Variants in DDC observed in about 807,000 individuals in gnomAD.
DDC encodes aromatic-L-amino-acid decarboxylase.
Under a neutral mutation model 60.0 loss-of-function variants are expected in DDC, and 43 were observed. The observed-to-expected ratio is 0.72, with a 90% CI of 0.56 to 0.92. The LOEUF (loss-of-function observed/expected upper bound fraction) is 0.92. DDC is among the 40% of genes least tolerant of loss of function. The pLI is 0.00. For missense variants in DDC, 573 were observed against 620.2 expected (o/e 0.92, Z 0.81); for synonymous variants, 232 against 234.6 (o/e 0.99, Z 0.10).
intron 1 of DDC, among the ~76,000 whole-genome samples, chr7:50,544,768 T>C (rs956115967): frequency 1.8e-4 from 28 of 152,234 alleles, no homozygotes; most frequent in African/African-American, 6.3e-4. Context: ...ACAGTTGCCA[T>C]GGCCATAAAC....
intron 10 of DDC, among the ~76,000 whole-genome samples, chr7:50,478,039 C>CAAA (rs58996327): frequency 1.4e-5 from 2 of 145,158 alleles, no homozygotes; most frequent in Non-Finnish European, 3.0e-5. Context: ...CCGTCTCTAC[C>CAAA]AAAAAAAAAA....
chr7:50,474,124 G>A (rs2042589245), intron 11 of DDC, among the ~76,000 whole-genome samples: 1 of 152,246 alleles, frequency 6.6e-6, no homozygotes, highest in African/African-American at 2.4e-5. Flanking sequence ...TAGGGCTGGA[G>A]CACAGGTTGC....
Position 50,528,265 on chromosome 7 carries a change from C to G in DDC, c.586G>C (p.Glu196Gln). 2 of 1,614,128 alleles carry G rather than the reference C, an allele frequency of 1.2e-6. No homozygotes were observed. Among genetic ancestry groups the G allele is most frequent in the Non-Finnish European group, 1.7e-6 (2 of 1,180,022 alleles). The part of the protein sequence containing the change: ...YSSDQAHSSV[E>Q]RAGLIGGVKL... ...ACTCCACCAATTAACCCAGCTCTTT[C>G]CACTGAGGAGTGTGCCTGGAAAGAA... The change falls in exon 6 of 15, where the codon GAA becomes CAA. Residue 196 changes from glutamate (E) to glutamine (Q), a missense_variant. Physicochemically the swap from Glu to Gln is conservative, Grantham distance 29. Coordinates refer to ENST00000444124, the MANE Select transcript of DDC (RefSeq NM_001082971.2).
At chr7:50,471,098 A>AAAACACCT (rs2042520054) in intron 11 of DDC, among the ~76,000 whole-genome samples, 1 of 152,168 alleles carries the variant, frequency 6.6e-6, no homozygotes, top group Non-Finnish European at 1.5e-5. Context: ...TGTTTTTTAA[A>AAAACACCT]GTGTGGGTGA....
At chr7:50,488,273 T>TA (rs568166909) in intron 9 of DDC, among the ~76,000 whole-genome samples, 7 of 151,160 alleles carry the variant, frequency 4.6e-5, no homozygotes, top group East Asian at 1.9e-4. Context: ...ATTTCCAATT[T>TA]AAAAAAAAAT....
chr7:50,524,246 G>C (rs964224483), intron 6 of DDC, among the ~76,000 whole-genome samples: 1 of 152,142 alleles, frequency 6.6e-6, no homozygotes, highest in Non-Finnish European at 1.5e-5. Flanking sequence ...GTAGATACTT[G>C]TCATTATACA....
intron 11 of DDC, among the ~76,000 whole-genome samples, chr7:50,475,454 C>G (rs561533726): frequency 1.3e-5 from 2 of 151,966 alleles, no homozygotes; most frequent in Non-Finnish European, 2.9e-5. Flanking sequence ...CCAAAACTGT[C>G]CTAGGACCAG....
intron 14 of DDC, among the ~76,000 whole-genome samples, chr7:50,460,950 A>C (rs2042259182): frequency 6.6e-6 from 1 of 151,394 alleles, no homozygotes. Flanking sequence ...AAAACCAGAG[A>C]CCTTTGTTCA....
chr7:50,543,730 C>A (rs2044710706), intron 2 of DDC, among the ~76,000 whole-genome samples, 155 bp downstream of exon 2: 3 of 152,224 alleles, frequency 2.0e-5, no homozygotes, highest in African/African-American at 7.2e-5. Context: ...CTCTGAGCCT[C>A]AGTTTCCTCA....
chr7:50,529,859 G>A (rs1204064923), intron 4 of DDC, among the ~76,000 whole-genome samples: 2 of 152,190 alleles, frequency 1.3e-5, no homozygotes, highest in Admixed American at 6.5e-5. Flanking sequence ...AAATTCATGT[G>A]TTGAAGCCCT....
intron 10 of DDC, chr7:50,477,639 T>C (rs905017602): frequency 1.2e-5 from 5 of 421,488 alleles, no homozygotes; most frequent in Admixed American, 7.8e-5. Context: ...ATAGTTATTT[T>C]CTCCACTAGC....
chr7:50,551,429 C>A (rs2044990155), intron 1 of DDC, among the ~76,000 whole-genome samples: 1 of 151,934 alleles, frequency 6.6e-6, no homozygotes, highest in Non-Finnish European at 1.5e-5. Context: ...AACAGGGTTT[C>A]ACCATGTTGG....
At chr7:50,485,111 T>C (rs1423362357) in intron 9 of DDC, among the ~76,000 whole-genome samples, 1 of 152,144 alleles carries the variant, frequency 6.6e-6, no homozygotes, top group African/African-American at 2.4e-5. Flanking sequence ...ATAAAATAAT[T>C]TGTGGCAAAA....
At chr7:50,483,893 G>T (rs2153536982) in intron 9 of DDC, among the ~76,000 whole-genome samples, 1 of 131,352 alleles carries the variant, frequency 7.6e-6, no homozygotes, top group East Asian at 2.1e-4. Context: ...GACAGAGCAA[G>T]ATTCCATCTC....
chr7:50,513,183 G>A (rs1236998980), intron 6 of DDC, among the ~76,000 whole-genome samples: 1 of 152,208 alleles, frequency 6.6e-6, no homozygotes, highest in Non-Finnish European at 1.5e-5. Context: ...GCGGGAAAGG[G>A]AGACCCTCCT....
chr7:50,512,945 T>G (rs1305156452), intron 6 of DDC, among the ~76,000 whole-genome samples: 1 of 152,132 alleles, frequency 6.6e-6, no homozygotes, highest in South Asian at 2.1e-4. Flanking sequence ...AACCTTACAT[T>G]TATACCTAAG....
At position 50,463,194 on chromosome 7, in the gene DDC, T is replaced by G; in HGVS notation, c.*18+19A>C. The stretch of plus-strand genomic sequence containing the variant: ...ACGGGACAAGGAGACAGGCAGAAAA[T>G]GAGCCCAGGGCAGCCTACCTGCAGC... On this transcript the variant is annotated intron_variant, in intron 14 of 14. Coordinates refer to ENST00000444124, the MANE Select transcript of DDC (RefSeq NM_001082971.2). The G allele has an allele frequency of 6.4e-7, 1 of 1,570,246 alleles. No homozygotes were observed. The highest frequency in any genetic ancestry group is 8.6e-7 in the Non-Finnish European group (1 of 1,156,898).
chr7:50,509,562 T>C (rs2043492360), intron 6 of DDC, among the ~76,000 whole-genome samples: 1 of 152,194 alleles, frequency 6.6e-6, no homozygotes, highest in African/African-American at 2.4e-5. Context: ...ACATTTTTCA[T>C]TTCCTCATTT....
chr7:50,548,498 C>A (rs1282132127), intron 1 of DDC, among the ~76,000 whole-genome samples: 1 of 152,192 alleles, frequency 6.6e-6, no homozygotes, highest in African/African-American at 2.4e-5. Flanking sequence ...AATTGAAGAT[C>A]AAACCAGCCA....
Sources: allele counts gnomAD v4.1 joint callset (sites outside exome capture counted in the v4.1 genomes callset), GRCh38; gene constraint gnomAD v4.1.1; transcripts MANE v1.5; gene names NCBI Gene and HGNC (gene_info 2026-07-23, HGNC 2026-07-21).